Variants in B4GALT6 observed in about 807,000 individuals in gnomAD.
The protein encoded by B4GALT6 is beta-1,4-galactosyltransferase 6.
Under a neutral mutation model 46.3 loss-of-function variants are expected in B4GALT6, and 14 were observed. The observed-to-expected ratio is 0.30, with a 90% CI of 0.20 to 0.47. The LOEUF (loss-of-function observed/expected upper bound fraction) is 0.47, where lower values mean the gene tolerates loss of function less well. B4GALT6 is among the 20% of genes least tolerant of loss of function. The pLI is 0.99. For synonymous variants in B4GALT6, 168 were observed against 162.0 expected, an observed-to-expected ratio of 1.04 and a Z score of -0.28; for missense variants, 386 against 480.1, an observed-to-expected ratio of 0.80 and a Z score of 1.83.
At chr18:31,682,525 T>C (rs965049560) in intron 1 of B4GALT6, among the ~76,000 whole-genome samples, 2 of 152,162 alleles carry the variant, frequency 1.3e-5, no homozygotes, top group East Asian at 3.8e-4. Context: ...ATGGCAAACA[T>C]TAAGCATTCA....
At chr18:31,719,391 G>T in the B4GALT6 span, among the ~76,000 whole-genome samples, 2 of 152,206 alleles carry the variant, frequency 1.3e-5, no homozygotes, top group Non-Finnish European at 2.9e-5. Context: ...AATTCCCGGA[G>T]GGGAAAAATC....
chr18:31,631,717 G>A (rs1223807998), intron 5 of B4GALT6, among the ~76,000 whole-genome samples: 4 of 152,118 alleles, frequency 2.6e-5, no homozygotes, highest in Non-Finnish European at 1.5e-5. Context: ...TGACTCAACA[G>A]TGACCCTTCT....
chr18:31,701,162 A>G, the B4GALT6 span, among the ~76,000 whole-genome samples: 1 of 152,184 alleles, frequency 6.6e-6, no homozygotes, highest in African/African-American at 2.4e-5. Context: ...GTGAGAGGTG[A>G]TTGAATTATG....
In B4GALT6 at chr18:31,684,552, C is replaced by T; in HGVS notation, c.-126G>A. The T allele has an allele frequency of 6.8e-7, 1 of 1,472,378 alleles. No individual in the cohort carries two copies. Among genetic ancestry groups the T allele is most frequent in the Non-Finnish European group, 9.0e-7 (1 of 1,109,310 alleles). 91.2% of individuals were successfully genotyped at this position (1,472,378 alleles called of 1,614,324 possible). On this transcript the variant is annotated 5_prime_UTR_variant, in exon 1 of 9. Transcript: ENST00000306851. ...CTGCAGCGGGGTCCGCGCGGGGAGG[C>T]TCTGGGGAGAGGGCCCGAGCGGAAA...
the B4GALT6 span, among the ~76,000 whole-genome samples, chr18:31,712,291 T>A: frequency 3.8e-3 from 89 of 23,382 alleles, no homozygotes; most frequent in Non-Finnish European, 0.013. Context: ...GACGTTATTT[T>A]TTTTTTTTTT....
chr18:31,642,060 C>T (rs770969183), intron 4 of B4GALT6, among the ~76,000 whole-genome samples: 1 of 152,194 alleles, frequency 6.6e-6, no homozygotes, highest in Non-Finnish European at 1.5e-5. Flanking sequence ...CCTATTCCTC[C>T]TCATTTCCAG....
upstream of B4GALT6, among the ~76,000 whole-genome samples, chr18:31,688,272 T>TATATACACATATATATATAC (rs1555643360): frequency 8.0e-5 from 12 of 149,730 alleles, no homozygotes; most frequent in African/African-American, 3.0e-4. Flanking sequence ...TATATATATA[T>TATATACACATATATATATAC]ACACACACAC....
intron 1 of B4GALT6, among the ~76,000 whole-genome samples, chr18:31,681,392 G>C (rs1286171502): frequency 2.6e-5 from 4 of 152,202 alleles, no homozygotes; most frequent in Admixed American, 2.6e-4. Context: ...ATCTGTCCAT[G>C]GACTTCCTAT....
the B4GALT6 span, among the ~76,000 whole-genome samples, chr18:31,716,175 T>A: frequency 6.6e-6 from 1 of 152,168 alleles, no homozygotes; most frequent in African/African-American, 2.4e-5. Flanking sequence ...TTGTTAAAAG[T>A]ATGGCTACCT....
chr18:31,653,815 C>T (rs941210569), intron 3 of B4GALT6, among the ~76,000 whole-genome samples: 4 of 152,158 alleles, frequency 2.6e-5, no homozygotes, highest in Admixed American at 2.0e-4. Context: ...CACATGACCA[C>T]GTTCAGTCTT....
intron 3 of B4GALT6, among the ~76,000 whole-genome samples, chr18:31,649,059 G>C (rs537344653): frequency 2.0e-5 from 3 of 152,240 alleles, no homozygotes; most frequent in African/African-American, 7.2e-5. Context: ...AGCTAGAAAA[G>C]CATTTTTATG....
the B4GALT6 span, among the ~76,000 whole-genome samples, chr18:31,709,445 A>ATATATC: frequency 6.7e-6 from 1 of 148,618 alleles, no homozygotes; most frequent in African/African-American, 2.5e-5. Context: ...ATATATATAT[A>ATATATC]TATATATATA....
rs775876786 is a variant in B4GALT6, at chr18:31,625,571, T to C, written c.*43A>G. 3 of 1,606,862 alleles carry C rather than the reference T, an allele frequency of 1.9e-6. No homozygotes were observed. Among genetic ancestry groups the C allele is most frequent in the South Asian group, 2.2e-5 (2 of 89,940 alleles). On this transcript the variant is annotated 3_prime_UTR_variant, in exon 9 of 9. Transcript: ENST00000306851. The stretch of plus-strand genomic sequence containing the variant: ...CCACTAAGAGCGCGCTCCAAGTTTA[T>C]GATCCAGCATTGTGGTCTACCTTGC...
chr18:31,629,036 T>G (rs1469248313), intron 6 of B4GALT6, among the ~76,000 whole-genome samples: 1 of 152,208 alleles, frequency 6.6e-6, no homozygotes, highest in African/African-American at 2.4e-5. Context: ...ATGAAGACCT[T>G]CAGGATGATC....
chr18:31,657,446 T>C (rs937947073), intron 3 of B4GALT6, among the ~76,000 whole-genome samples: 1 of 152,204 alleles, frequency 6.6e-6, no homozygotes, highest in African/African-American at 2.4e-5. Context: ...ATTTACATAA[T>C]TTCTCCTTTG....
chr18:31,718,682 C>T, the B4GALT6 span, among the ~76,000 whole-genome samples: 1 of 152,140 alleles, frequency 6.6e-6, no homozygotes, highest in Non-Finnish European at 1.5e-5. Flanking sequence ...ATTCCACCCC[C>T]TGCCTCCTCT....
At chr18:31,647,556 G>C (rs1452749717) in intron 3 of B4GALT6, among the ~76,000 whole-genome samples, 1 of 152,062 alleles carries the variant, frequency 6.6e-6, no homozygotes, top group African/African-American at 2.4e-5. Context: ...CTAGTAATTT[G>C]CTCATTGAAG....
intron 2 of B4GALT6, 68 bp from the exon 3 acceptor site, chr18:31,658,157 A>C: frequency 9.0e-7 from 1 of 1,109,216 alleles, no homozygotes; most frequent in Non-Finnish European, 1.3e-6. Flanking sequence ...GGAATGAAAT[A>C]CGTCACTATC....
upstream of B4GALT6, among the ~76,000 whole-genome samples, chr18:31,690,558 C>G (rs1332145474): frequency 1.3e-5 from 2 of 152,128 alleles, no homozygotes; most frequent in Non-Finnish European, 2.9e-5. Flanking sequence ...TAACCTCCGC[C>G]TCCTGGGTTC....
Sources: gnomAD v4.1 joint callset for allele counts (sites outside exome capture counted in the v4.1 genomes callset) on GRCh38, gnomAD v4.1.1 for gene constraint, MANE v1.5 for transcripts, NCBI Gene and HGNC (gene_info 2026-07-23, HGNC 2026-07-21) for gene names.